PLA2G2C: variants seen among roughly 807,000 people sequenced by gnomAD.
PLA2G2C encodes the protein putative inactive group IIC secretory phospholipase A2.
A neutral mutation model predicts 14.3 loss-of-function variants in PLA2G2C; 15 were observed. That is an observed-to-expected ratio of 1.05 (90% confidence interval 0.70 to 1.62). The LOEUF is 1.62. Among genes scored for constraint, PLA2G2C ranks in the 40% most tolerant of loss-of-function variants. The probability of loss-of-function intolerance (pLI) is 0.00; values close to 1 mark genes in which losing one functional copy is unlikely to be tolerated. For missense variants in PLA2G2C, 162 were observed against 173.2 expected, an observed-to-expected ratio of 0.94 and a Z score of 0.36; for synonymous variants, 79 against 67.7, an observed-to-expected ratio of 1.17 and a Z score of -0.82.
intron 3 of PLA2G2C, 65 bp downstream of exon 3, chr1:20,174,942 C>A: frequency 2.1e-6 from 3 of 1,462,844 alleles, no homozygotes; most frequent in Non-Finnish European, 2.8e-6. Flanking sequence ...CACCCTCTCT[C>A]TGGCTTTGAG....
At chr1:20,171,984 C>T (rs960282783) in intron 4 of PLA2G2C, among the ~76,000 whole-genome samples, 5 of 151,712 alleles carry the variant, frequency 3.3e-5, no homozygotes, top group Admixed American at 2.6e-4. Context: ...AGGATGGTCT[C>T]GATCTCCTGA....
rs115527772 is a variant in PLA2G2C at position 20,180,436 on chromosome 1, T to C, written c.-76-2997A>G. 4.2e-3 allele frequency among the ~76,000 whole-genome samples: 636 copies of C among 152,270 alleles called. 4 individuals are homozygous for C. The highest frequency in any genetic ancestry group is 0.014 in the African/African-American group (599 of 41,550). On this transcript the variant is annotated intron_variant, in intron 1 of 4. Coordinates refer to ENST00000679259, the MANE Select transcript of PLA2G2C (RefSeq NM_001367969.2). ...TCCTGTTTACTCCTCACTACAACCCTACCAGGCAGGTTCTATCACATTCAC... is the reference window on the plus strand; with the variant it reads ...TCCTGTTTACTCCTCACTACAACCCCACCAGGCAGGTTCTATCACATTCAC...
chr1:20,166,816 C>A (rs982308198), intron 4 of PLA2G2C, among the ~76,000 whole-genome samples: 1 of 152,184 alleles, frequency 6.6e-6, no homozygotes, highest in African/African-American at 2.4e-5. Flanking sequence ...CATTGCCAGG[C>A]CTTCCAGAAC....
At chr1:20,176,789 CAA>C (rs999148176) in intron 2 of PLA2G2C, among the ~76,000 whole-genome samples, 24 of 152,328 alleles carry the variant, frequency 1.6e-4, no homozygotes, top group Middle Eastern at 3.4e-3. Context: ...ACGAATCCAG[CAA>C]AAGAGTCTAT....
chr1:20,179,064 C>G lies in PLA2G2C; in HGVS notation c.-76-1625G>C, dbSNP rs575656937. The stretch of plus-strand genomic sequence containing the variant: ...TCCCAGGGAAGACAGGAGAAGGAGT[C>G]TCTAGCCAATCCCTGGCTGGGGTGA... On this transcript the variant is annotated intron_variant, in intron 1 of 4. Transcript: ENST00000679259. Among the ~76,000 whole-genome samples the G allele has an allele frequency of 9.2e-5, 14 of 152,378 alleles. 1 individual carries two copies. Among genetic ancestry groups the G allele is most frequent in the African/African-American group, 3.1e-4 (13 of 41,588 alleles).
At chr1:20,179,282 G>A (rs997129476) in intron 1 of PLA2G2C, among the ~76,000 whole-genome samples, 1 of 149,880 alleles carries the variant, frequency 6.7e-6, no homozygotes, top group African/African-American at 2.5e-5. Context: ...GTCAGTTTCT[G>A]TGTGTGTGTG....
chr1:20,172,032 G>C (rs2018088027), intron 4 of PLA2G2C, among the ~76,000 whole-genome samples: 1 of 151,852 alleles, frequency 6.6e-6, no homozygotes, highest in Non-Finnish European at 1.5e-5. Context: ...CAAAGTGCTG[G>C]GATTACAAGC....
chr1:20,180,676 G>A (rs536187938), intron 1 of PLA2G2C, among the ~76,000 whole-genome samples: 1 of 152,212 alleles, frequency 6.6e-6, no homozygotes, highest in African/African-American at 2.4e-5. Context: ...TATGACTCAG[G>A]CATGGTTCTC....
chr1:20,176,408 GT>G (rs1249017115), intron 2 of PLA2G2C, among the ~76,000 whole-genome samples: 3 of 152,214 alleles, frequency 2.0e-5, no homozygotes, highest in African/African-American at 4.8e-5. Context: ...CTATAAGCAT[GT>G]AGTAAATTTG....
At chr1:20,182,782 A>G (rs972556000) in intron 1 of PLA2G2C, among the ~76,000 whole-genome samples, 12 of 152,248 alleles carry the variant, frequency 7.9e-5, no homozygotes, top group African/African-American at 2.9e-4. Context: ...AGAGCAGGAC[A>G]CTGGCTATAG....
chr1:20,182,052 GA>G (rs1557790506), intron 1 of PLA2G2C, among the ~76,000 whole-genome samples: 13 of 152,194 alleles, frequency 8.5e-5, no homozygotes. Flanking sequence ...TCCTGAAGGT[GA>G]AAATACTTGG....
intron 4 of PLA2G2C, among the ~76,000 whole-genome samples, chr1:20,165,302 G>C (rs1414634712): frequency 6.6e-6 from 1 of 152,200 alleles, no homozygotes; most frequent in Non-Finnish European, 1.5e-5. Flanking sequence ...CCTCAGAGAG[G>C]TGCTCCCTGA....
rs2018108958 is a variant in PLA2G2C at position 20,172,778 on chromosome 1, A to G, written c.283+16T>C. Reference sequence around the variant, plus strand: ...CCCAGGTTAAAAGACATTTCCATACAGAAAAGGCTACTCACAAACCACTGC... The same window carrying G: ...CCCAGGTTAAAAGACATTTCCATACGGAAAAGGCTACTCACAAACCACTGC... On this transcript the variant is annotated intron_variant, in intron 4 of 4. Transcript: ENST00000679259. The G allele has an allele frequency of 1.2e-6, 2 of 1,601,734 alleles. No individual in the cohort carries two copies. Among genetic ancestry groups the G allele is most frequent in the Non-Finnish European group, 1.7e-6 (2 of 1,170,962 alleles).
In PLA2G2C at chr1:20,163,616, C is replaced by T; in HGVS notation, c.*375G>A. The stretch of plus-strand genomic sequence containing the variant: ...GGGTAGATCCTGGGGCTTCTCCCCT[C>T]CTGGAAACCCTGGGATGTGGGGTTG... On this transcript the variant is annotated 3_prime_UTR_variant, in exon 5 of 5. Coordinates refer to ENST00000679259, the MANE Select transcript of PLA2G2C (RefSeq NM_001367969.2). 1 of 163,614 alleles carries T rather than the reference C, an allele frequency of 6.1e-6. No individual in the cohort carries two copies. Among genetic ancestry groups the T allele is most frequent in the Non-Finnish European group, 1.3e-5 (1 of 75,994 alleles). 10.1% of individuals were successfully genotyped at this position (163,614 alleles called of 1,614,324 possible).
chr1:20,167,050 C>A (rs1483484405), intron 4 of PLA2G2C, among the ~76,000 whole-genome samples: 1 of 152,210 alleles, frequency 6.6e-6, no homozygotes, highest in Non-Finnish European at 1.5e-5. Context: ...TTTGGAATGA[C>A]TTTCTTGCTG....
chr1:20,185,275 A>G (rs945159808), intron 1 of PLA2G2C, among the ~76,000 whole-genome samples: 3 of 152,116 alleles, frequency 2.0e-5, no homozygotes, highest in African/African-American at 7.2e-5. Flanking sequence ...GCTGGCCAAG[A>G]CTTCTTCAAT....
Position 20,172,168 on chromosome 1 carries a change from C to T in PLA2G2C, c.283+626G>A, listed in dbSNP as rs183799514. Among the ~76,000 whole-genome samples the T allele has an allele frequency of 6.4e-3, 976 of 152,194 alleles. 11 individuals are homozygous for T. Among genetic ancestry groups the T allele is most frequent in the African/African-American group, 0.023 (941 of 41,522 alleles). ...TGGTGCTCACGAAAGACTACTGTCC[C>T]GTGCCTCCAAATGTGCCTGCTGTCT... On this transcript the variant is annotated intron_variant, in intron 4 of 4. Transcript: ENST00000679259.
At chr1:20,172,215 T>C (rs974182344) in intron 4 of PLA2G2C, among the ~76,000 whole-genome samples, 20 of 152,108 alleles carry the variant, frequency 1.3e-4, no homozygotes, top group African/African-American at 4.6e-4. Context: ...GCCCTGCACA[T>C]ACCCATACCC....
chr1:20,177,311 G>C lies in PLA2G2C; in HGVS notation c.40+13C>G, dbSNP rs528812876. ...CAGAAGCTTGGTGCTGACCCACCAAGCTCTCTACTTACAGCAGAAGAGGAG... is the reference window on the plus strand; with the variant it reads ...CAGAAGCTTGGTGCTGACCCACCAACCTCTCTACTTACAGCAGAAGAGGAG... On this transcript the variant is annotated intron_variant, in intron 2 of 4. Transcript: ENST00000679259. 1.4e-6 allele frequency: 1 copy of C among 700,744 alleles called. No individual in the cohort carries two copies. Among genetic ancestry groups the C allele is most frequent in the South Asian group, 1.5e-5 (1 of 67,502 alleles). The allele number at this position is 700,744 out of a possible 1,614,324, so 43.4% of individuals were successfully genotyped here.
Sources: allele counts gnomAD v4.1 joint callset (sites outside exome capture counted in the v4.1 genomes callset), GRCh38; gene constraint gnomAD v4.1.1; transcripts MANE v1.5; gene names NCBI Gene and HGNC (gene_info 2026-07-23, HGNC 2026-07-21).